The following EIF2AK1 variants were observed in gnomAD, a reference collection of about 807,000 sequenced individuals.
The protein encoded by EIF2AK1 is eukaryotic translation initiation factor 2-alpha kinase 1.
EIF2AK1 carries 54 observed loss-of-function variants against 77.9 expected under a neutral mutation model. The observed-to-expected ratio is 0.69, with a 90% confidence interval of 0.56 to 0.87. The LOEUF is 0.87. Ranked by LOEUF, EIF2AK1 falls within the 40% of genes least tolerant of loss-of-function variation. EIF2AK1 has a pLI of 0.00. For missense variants in EIF2AK1, 810 were observed against 768.6 expected, an observed-to-expected ratio of 1.05 and a Z score of -0.64; for synonymous variants, 314 against 290.5, an observed-to-expected ratio of 1.08 and a Z score of -0.82.
intron 4 of EIF2AK1, chr7:6,047,614 A>C (rs1378870276): frequency 2.4e-5 from 4 of 169,520 alleles, no homozygotes; most frequent in African/African-American, 7.2e-5. Flanking sequence ...CAGAGATTGC[A>C]GTGAGCCGAG....
At position 6,047,214 on chromosome 7, in the gene EIF2AK1, G is replaced by A; in HGVS notation, c.450-123C>T. On this transcript the variant is annotated intron_variant, in intron 4 of 14. Transcript: ENST00000199389. ...ATGTATCACTAAGCTGTGCTGATTTGGAAAGGATGGGCTAAAATGAAATTT... is the reference window on the plus strand; with the variant it reads ...ATGTATCACTAAGCTGTGCTGATTTAGAAAGGATGGGCTAAAATGAAATTT... 2.9e-6 allele frequency: 3 copies of A among 1,017,482 alleles called. No homozygotes were observed. The South Asian group carries it at 4.0e-5, about 14-fold the overall frequency. 63.0% of individuals were successfully genotyped at this position (1,017,482 alleles called of 1,614,324 possible).
At chr7:6,052,205 C>T (rs1263032747) in intron 2 of EIF2AK1, among the ~76,000 whole-genome samples, 3 of 150,054 alleles carry the variant, frequency 2.0e-5, no homozygotes, top group Admixed American at 6.7e-5. Context: ...TCTAAAGAGG[C>T]TGTATATAAG....
At chr7:6,056,394 A>ACC (rs1304013980) in intron 1 of EIF2AK1, among the ~76,000 whole-genome samples, 1 of 149,992 alleles carries the variant, frequency 6.7e-6, no homozygotes, top group Non-Finnish European at 1.5e-5. Flanking sequence ...GGAGTTCAAG[A>ACC]CCAGCCTGGC....
At position 6,023,071 on chromosome 7, in the gene EIF2AK1, T is replaced by A. The variant is rs957207529; in HGVS notation, c.*1602A>T. ...GTCCCTTCTAGCTTCAGAAGTGTCATAATCAAATACCAGGAATGACTCTTT... is the reference window on the plus strand; with the variant it reads ...GTCCCTTCTAGCTTCAGAAGTGTCAAAATCAAATACCAGGAATGACTCTTT... On this transcript the variant is annotated 3_prime_UTR_variant, in exon 15 of 15. Coordinates refer to ENST00000199389, the MANE Select transcript of EIF2AK1 (RefSeq NM_014413.4). 3.9e-6 allele frequency: 2 copies of A among 518,762 alleles called. No homozygotes were observed. Among genetic ancestry groups the A allele is most frequent in the Non-Finnish European group, 6.6e-6 (2 of 302,260 alleles). The allele number at this position is 518,762 out of a possible 1,614,324, so 32.1% of individuals were successfully genotyped here. A position where few individuals can be genotyped will look rare whatever the true frequency, so the allele number is the denominator to read the frequency against.
At chr7:6,029,381 T>C (rs1787836004) in intron 11 of EIF2AK1, among the ~76,000 whole-genome samples, 1 of 151,726 alleles carries the variant, frequency 6.6e-6, no homozygotes, top group African/African-American at 2.4e-5. Flanking sequence ...TAATCCCTGC[T>C]ACTAGGGAGA....
At chr7:6,031,449 C>T (rs763560121) in intron 11 of EIF2AK1, 2 of 1,550,716 alleles carry the variant, frequency 1.3e-6, no homozygotes, top group East Asian at 2.4e-5. Context: ...GATGGCCCAT[C>T]TGCAGCACTT....
intron 8 of EIF2AK1, among the ~76,000 whole-genome samples, chr7:6,041,462 C>T (rs143769650): frequency 8.8e-4 from 134 of 151,930 alleles, no homozygotes; most frequent in Middle Eastern, 6.8e-3. Flanking sequence ...TGACTCGAAC[C>T]CAGGAGATGG....
At chr7:6,040,335 G>A (rs996899509) in intron 9 of EIF2AK1, among the ~76,000 whole-genome samples, 2 of 152,118 alleles carry the variant, frequency 1.3e-5, no homozygotes, top group African/African-American at 2.4e-5. Context: ...TTACAGGCGT[G>A]AGCCACCACA....
chr7:6,035,432 T>C lies in EIF2AK1; in HGVS notation c.1332+1992A>G, dbSNP rs1334667318. 1.9e-6 allele frequency: 3 copies of C among 1,545,592 alleles called. No homozygotes were observed. Among genetic ancestry groups the C allele is most frequent in the Non-Finnish European group, 2.6e-6 (3 of 1,143,244 alleles). The stretch of plus-strand genomic sequence containing the variant: ...TGAATTCAGTGTAACGTGTAATCAA[T>C]ACCCATTCTAGGGACACGACAGGCC... On this transcript the variant is annotated intron_variant, in intron 11 of 14. Coordinates refer to ENST00000199389, the MANE Select transcript of EIF2AK1 (RefSeq NM_014413.4). The surrounding 1 kb of genome is among the most constrained non-coding windows in gnomAD (Gnocchi z 5.5).
intron 7 of EIF2AK1, among the ~76,000 whole-genome samples, chr7:6,043,300 G>A (rs959395812): frequency 5.3e-5 from 8 of 152,134 alleles, no homozygotes; most frequent in African/African-American, 1.9e-4. Context: ...AGCAGCCATA[G>A]GCCCAGTGGC....
At chr7:6,039,785 A>G (rs921388695) in intron 9 of EIF2AK1, among the ~76,000 whole-genome samples, 3 of 150,698 alleles carry the variant, frequency 2.0e-5, no homozygotes, top group Non-Finnish European at 4.4e-5. Context: ...AAATACAAAA[A>G]AATTAGCTGG....
rs746213246 is a variant in EIF2AK1, at chr7:6,046,123, T to C, written c.578A>G (p.Tyr193Cys). Reference sequence around the variant, plus strand: ...CTTAATCAGGATTTTTTTTATTGCATAATACTGACCATCTAATTTATTCCT... The same window carrying C: ...CTTAATCAGGATTTTTTTTATTGCACAATACTGACCATCTAATTTATTCCT... ...KVRNKLDGQYYAIKKILIKGA... is the reference protein window; with the variant it reads ...KVRNKLDGQYCAIKKILIKGA... The change falls in exon 6 of 15, where the codon TAT (tyrosine) becomes TGT (cysteine). Residue 193 changes from tyrosine (Y) to cysteine (C), a missense_variant. Tyr to Cys is a radical substitution (Grantham distance 194). Coordinates refer to ENST00000199389, the MANE Select transcript of EIF2AK1 (RefSeq NM_014413.4). 1 of 1,570,680 alleles carries C rather than the reference T, an allele frequency of 6.4e-7. No homozygotes were observed. Among genetic ancestry groups the C allele is most frequent in the Non-Finnish European group, 8.6e-7 (1 of 1,160,328 alleles).
At position 6,024,293 on chromosome 7, in the gene EIF2AK1, C is replaced by T. The variant is rs1787674595; in HGVS notation, c.*380G>A. Reference sequence around the variant, plus strand: ...AAGGGGCAGGAAGACTGGCAGCTGTCAAAACTGGAACAGTCCAGTGAGTAT... The same window carrying T: ...AAGGGGCAGGAAGACTGGCAGCTGTTAAAACTGGAACAGTCCAGTGAGTAT... On this transcript the variant is annotated 3_prime_UTR_variant, in exon 15 of 15. Coordinates refer to ENST00000199389, the MANE Select transcript of EIF2AK1 (RefSeq NM_014413.4). 2 of 1,213,456 alleles carry T rather than the reference C, an allele frequency of 1.6e-6. No individual in the cohort carries two copies. The highest frequency in any genetic ancestry group is 3.2e-5 in the African/African-American group (2 of 63,340). 75.2% of individuals were successfully genotyped at this position (1,213,456 alleles called of 1,614,324 possible).
rs988797287 is a variant in EIF2AK1 at position 6,035,783 on chromosome 7, A to G, written c.1332+1641T>C. 1.4e-5 allele frequency: 22 copies of G among 1,551,016 alleles called. No homozygotes were observed. The African/African-American group carries it at 3.0e-4, about 21-fold the overall frequency. On this transcript the variant is annotated intron_variant, in intron 11 of 14. Transcript: ENST00000199389. This position sits in a 1 kb window ranked among gnomAD's most constrained non-coding sequence, Gnocchi z 5.5. ...ACATGCTGAATAAGGAGATGATGGA[A>G]ACGCTCATTGCCTATGGAGCAAACG...
chr7:6,036,490 C>A lies in EIF2AK1; in HGVS notation c.1332+934G>T. On this transcript the variant is annotated intron_variant, in intron 11 of 14. Transcript: ENST00000199389. The surrounding 1 kb of genome is among the most constrained non-coding windows in gnomAD (Gnocchi z 4.6). ...ATGCTTCACCTATCACCTGTGACAT[C>A]CCAAATGTACAAACTACTGATTCTT... The A allele has an allele frequency of 1.5e-6, 1 of 680,024 alleles. No homozygotes were observed. The highest frequency in any genetic ancestry group is 2.3e-6 in the Non-Finnish European group (1 of 441,672). The allele number at this position is 680,024 out of a possible 1,614,324, so 42.1% of individuals were successfully genotyped here.
chr7:6,043,608 T>C (rs1788359665), intron 7 of EIF2AK1, among the ~76,000 whole-genome samples: 1 of 151,612 alleles, frequency 6.6e-6, no homozygotes, highest in Non-Finnish European at 1.5e-5. Context: ...TTTGTATTTT[T>C]ATTAGAGATG....
Position 6,032,959 on chromosome 7 carries a change from C to A in EIF2AK1, c.1333-3927G>T. The A allele has an allele frequency of 1.3e-6, 2 of 1,535,422 alleles. No individual in the cohort carries two copies. Among genetic ancestry groups the A allele is most frequent in the South Asian group, 2.4e-5 (2 of 83,550 alleles). ...CAGGTAAGTTAACTCCACCGAAAAT[C>A]ATTTCTTTTTTTTTCTTTTTTGTTT... is the stretch of plus-strand genomic sequence containing the variant. On this transcript the variant is annotated intron_variant, in intron 11 of 14. Coordinates refer to ENST00000199389, the MANE Select transcript of EIF2AK1 (RefSeq NM_014413.4). The surrounding 1 kb of genome is among the most constrained non-coding windows in gnomAD (Gnocchi z 4.3).
In EIF2AK1 at chr7:6,036,150, CT is replaced by C; in HGVS notation, c.1332+1273del. 6.5e-7 allele frequency: 1 copy of C among 1,550,248 alleles called. No homozygotes were observed. The highest frequency in any genetic ancestry group is 8.7e-7 in the Non-Finnish European group (1 of 1,146,728). On this transcript the variant is annotated intron_variant, in intron 11 of 14. Coordinates refer to ENST00000199389, the MANE Select transcript of EIF2AK1 (RefSeq NM_014413.4). The surrounding 1 kb of genome is among the most constrained non-coding windows in gnomAD (Gnocchi z 4.6). ...CAGGCTACTTTATCACACTTATCCT[CT>C]GAGAATGACCAATAACCAAGGAATT... is the stretch of plus-strand genomic sequence containing the variant.
rs945438439 is a variant in EIF2AK1, at chr7:6,033,013, G to C, written c.1333-3981C>G. The C allele has an allele frequency of 5.4e-6, 7 of 1,295,958 alleles. No individual in the cohort carries two copies. The African/African-American group carries it at 8.9e-5, about 16-fold the overall frequency. The allele number at this position is 1,295,958 out of a possible 1,614,324, so 80.3% of individuals were successfully genotyped here. A position where few individuals can be genotyped will look rare whatever the true frequency, so the allele number is the denominator to read the frequency against. ...GGCAGGGGTCTCGCTCTGTTGCCCAGGCTGGAGTGCAATGGCACAATCTCG... is the reference window on the plus strand; with the variant it reads ...GGCAGGGGTCTCGCTCTGTTGCCCACGCTGGAGTGCAATGGCACAATCTCG... On this transcript the variant is annotated intron_variant, in intron 11 of 14. Transcript: ENST00000199389. The surrounding 1 kb of genome is among the most constrained non-coding windows in gnomAD (Gnocchi z 4.4).
Sources: allele counts gnomAD v4.1 joint callset (sites outside exome capture counted in the v4.1 genomes callset), GRCh38; gene constraint gnomAD v4.1.1; non-coding constraint Gnocchi (gnomAD v3.1); transcripts MANE v1.5; gene names NCBI Gene and HGNC (gene_info 2026-07-23, HGNC 2026-07-21).